DCK: variants seen among roughly 807,000 people sequenced by gnomAD.
The protein encoded by DCK is deoxyadenosine kinase.
Under a neutral mutation model 38.3 loss-of-function variants are expected in DCK, and 23 were observed. The observed-to-expected ratio is 0.60, with a 90% CI of 0.43 to 0.85. The LOEUF is 0.85. Ranked by LOEUF, DCK falls within the 40% of genes least tolerant of loss-of-function variation. The probability of loss-of-function intolerance (pLI) is 0.00; values close to 1 mark genes in which losing one functional copy is unlikely to be tolerated. For synonymous variants in DCK, 108 were observed against 100.6 expected, an observed-to-expected ratio of 1.07 and a Z score of -0.44; for missense variants, 259 against 304.4, an observed-to-expected ratio of 0.85 and a Z score of 1.11.
rs145922077 is a variant in DCK at position 71,002,239 on chromosome 4, A to C, written c.207+4057A>C. 3.3e-3 allele frequency among the ~76,000 whole-genome samples: 508 copies of C among 152,334 alleles called. 3 individuals are homozygous for C. Among genetic ancestry groups the C allele is most frequent in the African/African-American group, 0.012 (498 of 41,580 alleles). On this transcript the variant is annotated intron_variant, in intron 2 of 6. Coordinates refer to ENST00000286648, the MANE Select transcript of DCK (RefSeq NM_000788.3). Reference sequence around the variant, plus strand: ...TAATTTCGTTATTTACCCGGTAGTCATTCAGGAGTTGTTCAGTTTCCATGT... The same window carrying C: ...TAATTTCGTTATTTACCCGGTAGTCCTTCAGGAGTTGTTCAGTTTCCATGT...
At chr4:71,017,085 A>C (rs1016751825) in intron 2 of DCK, among the ~76,000 whole-genome samples, 17 of 152,238 alleles carry the variant, frequency 1.1e-4, no homozygotes, top group Admixed American at 3.9e-4. Context: ...ACAAATTTAC[A>C]AGAAAAAAAC....
chr4:70,995,783 A>G lies in DCK; in HGVS notation c.91+1857A>G, dbSNP rs67342314. Among the ~76,000 whole-genome samples the G allele has an allele frequency of 9.9e-3, 1,515 of 152,342 alleles. 42 individuals carry two copies. Among genetic ancestry groups the G allele is most frequent in the African/African-American group, 0.035 (1,454 of 41,588 alleles). On this transcript the variant is annotated intron_variant, in intron 1 of 6. Coordinates refer to ENST00000286648, the MANE Select transcript of DCK (RefSeq NM_000788.3). ...CCAGTTTCTCTTAACTACTTCTGCA[A>G]CGGTCTTTTTGTATGCAAATGTCAT...
chr4:70,999,775 A>G (rs1321734692), intron 2 of DCK, among the ~76,000 whole-genome samples: 2 of 152,148 alleles, frequency 1.3e-5, no homozygotes, highest in Non-Finnish European at 2.9e-5. Flanking sequence ...ATGACTGGTG[A>G]TGATGAGCTT....
intron 6 of DCK, among the ~76,000 whole-genome samples, chr4:71,027,579 T>C (rs911952486): frequency 1.3e-5 from 2 of 152,108 alleles, no homozygotes; most frequent in Non-Finnish European, 2.9e-5. Flanking sequence ...AAAATTTGAT[T>C]TTTCCTTTCT....
At chr4:71,003,916 G>T (rs1352140077) in intron 2 of DCK, among the ~76,000 whole-genome samples, 1 of 152,210 alleles carries the variant, frequency 6.6e-6, no homozygotes, top group Non-Finnish European at 1.5e-5. Context: ...CTTTAGCTCA[G>T]TGGAGTTTGT....
chr4:70,994,007 G>A (rs759067543), intron 1 of DCK, 81 bp downstream of exon 1: 13 of 1,017,588 alleles, frequency 1.3e-5, no homozygotes, highest in Non-Finnish European at 3.1e-6. Flanking sequence ...GCATCTCTCT[G>A]CAGCAACTCG....
At chr4:71,007,528 G>T (rs1739975882) in intron 2 of DCK, among the ~76,000 whole-genome samples, 1 of 152,072 alleles carries the variant, frequency 6.6e-6, no homozygotes, top group South Asian at 2.1e-4. Context: ...CCTAAAAATT[G>T]TTTGAGCATA....
chr4:71,022,258 A>G, intron 2 of DCK, 109 bp from the exon 3 acceptor site: 1 of 585,934 alleles, frequency 1.7e-6, no homozygotes, highest in Non-Finnish European at 2.9e-6. Context: ...GGTTTTGCTG[A>G]TCATGATTAC....
chr4:71,003,323 TCTG>T (rs1352267074), intron 2 of DCK, among the ~76,000 whole-genome samples: 1 of 152,218 alleles, frequency 6.6e-6, no homozygotes, highest in African/African-American at 2.4e-5. Flanking sequence ...TGCCGAGAGA[TCTG>T]CTGTTAGTCT....
At chr4:70,998,778 G>A (rs894305076) in intron 2 of DCK, among the ~76,000 whole-genome samples, 1 of 152,004 alleles carries the variant, frequency 6.6e-6, no homozygotes, top group Non-Finnish European at 1.5e-5. Context: ...ACAAAACTTA[G>A]CTGAACGTGG....
intron 2 of DCK, among the ~76,000 whole-genome samples, chr4:71,011,678 T>C (rs1438989136): frequency 2.0e-5 from 3 of 152,214 alleles, no homozygotes; most frequent in Non-Finnish European, 4.4e-5. Context: ...TTTATAATTA[T>C]CTTGTTTGGT....
chr4:70,995,168 A>G lies in DCK; in HGVS notation c.91+1242A>G, dbSNP rs68018830. Among the ~76,000 whole-genome samples the G allele has an allele frequency of 8.5e-3, 1,297 of 152,306 alleles. 27 individuals are homozygous for G. The highest frequency in any genetic ancestry group is 0.03 in the African/African-American group (1,252 of 41,568). On this transcript the variant is annotated intron_variant, in intron 1 of 6. Transcript: ENST00000286648. ...AGCACCAGTAGAAAGACCATATGAT[A>G]TAATTAGCAATGTAAGTTATTTGAG...
chr4:71,010,616 T>C lies in DCK; in HGVS notation c.208-11751T>C, dbSNP rs912231964. On this transcript the variant is annotated intron_variant, in intron 2 of 6. Transcript: ENST00000286648. ...TACAGATAAAAATTATATTTAATTT[T>C]ATATTATATTTATATATAAATCATA... 2.0e-5 allele frequency among the ~76,000 whole-genome samples: 3 copies of C among 147,594 alleles called. No homozygotes were observed. The East Asian group carries it at 5.8e-4, about 29-fold the overall frequency.
chr4:71,023,005 G>A (rs1238881488), intron 3 of DCK, among the ~76,000 whole-genome samples: 1 of 152,068 alleles, frequency 6.6e-6, no homozygotes, highest in East Asian at 1.9e-4. Flanking sequence ...TTTGATCTCA[G>A]GGCCCTTTTC....
At chr4:71,011,543 G>A (rs540937385) in intron 2 of DCK, among the ~76,000 whole-genome samples, 6 of 152,172 alleles carry the variant, frequency 3.9e-5, no homozygotes, top group Admixed American at 6.5e-5. Context: ...TTTTTATAGC[G>A]ATAGGATTTT....
chr4:71,007,176 A>G (rs1284242172), intron 2 of DCK, among the ~76,000 whole-genome samples: 4 of 152,164 alleles, frequency 2.6e-5, no homozygotes, highest in Non-Finnish European at 4.4e-5. Flanking sequence ...TCCCATATAG[A>G]CCTCATTATC....
At chr4:71,014,664 A>G (rs1192218588) in intron 2 of DCK, among the ~76,000 whole-genome samples, 1 of 152,376 alleles carries the variant, frequency 6.6e-6, no homozygotes, top group South Asian at 2.1e-4. Context: ...CTGCTCCTGA[A>G]TGACTACTGG....
intron 2 of DCK, among the ~76,000 whole-genome samples, chr4:71,010,752 A>G (rs1740070476): frequency 6.7e-6 from 1 of 149,298 alleles, no homozygotes; most frequent in South Asian, 2.1e-4. Flanking sequence ...GATGTTTTAA[A>G]ATATGTCTAC....
intron 2 of DCK, among the ~76,000 whole-genome samples, chr4:71,004,638 T>C (rs1739893614): frequency 6.6e-6 from 1 of 152,224 alleles, no homozygotes; most frequent in Non-Finnish European, 1.5e-5. Flanking sequence ...CTGCTGCCTT[T>C]CTTTCAGAGA....
Sources: gnomAD v4.1 joint callset for allele counts (sites outside exome capture counted in the v4.1 genomes callset) on GRCh38, gnomAD v4.1.1 for gene constraint, MANE v1.5 for transcripts, NCBI Gene and HGNC (gene_info 2026-07-23, HGNC 2026-07-21) for gene names.